The following STAU2 variants were observed in gnomAD, a reference collection of about 807,000 sequenced individuals.
The protein encoded by STAU2 is staufen double-stranded RNA binding protein 2.
A neutral mutation model predicts 65.9 loss-of-function variants in STAU2; 20 were observed. The observed-to-expected ratio is 0.30, with a 90% CI of 0.21 to 0.44. The LOEUF (loss-of-function observed/expected upper bound fraction) is 0.44. STAU2 is among the 20% of genes least tolerant of loss of function. STAU2 has a pLI of 1.00. For missense variants in STAU2, 558 were observed against 683.9 expected (o/e 0.82, Z 2.05); for synonymous variants, 232 against 233.9 (o/e 0.99, Z 0.07).
chr8:73,613,648 T>C, intron 9 of STAU2, 96 bp downstream of exon 9: 1 of 907,758 alleles, frequency 1.1e-6, no homozygotes, highest in Non-Finnish European at 1.6e-6. Flanking sequence ...ATATAGTCCA[T>C]AAGTTCAGGG....
At chr8:73,561,133 A>G (rs1748774229) in intron 12 of STAU2, among the ~76,000 whole-genome samples, 1 of 152,200 alleles carries the variant, frequency 6.6e-6, no homozygotes, top group African/African-American at 2.4e-5. Context: ...TAGTGATCCA[A>G]GGGCCCCTAA....
chr8:73,688,115 T>C (rs1351423765), intron 5 of STAU2, among the ~76,000 whole-genome samples: 2 of 152,052 alleles, frequency 1.3e-5, no homozygotes, highest in East Asian at 1.9e-4. Context: ...TGCACTTTTA[T>C]AGTATCCACT....
At chr8:73,424,289 C>T (rs911106192) in intron 13 of STAU2, among the ~76,000 whole-genome samples, 7 of 151,008 alleles carry the variant, frequency 4.6e-5, no homozygotes, top group African/African-American at 1.5e-4. Context: ...CAACCTCTGC[C>T]TCCTGGGTTC....
intron 3 of STAU2, among the ~76,000 whole-genome samples, chr8:73,716,415 A>G (rs1477701917): frequency 6.6e-6 from 1 of 152,166 alleles, no homozygotes; most frequent in Non-Finnish European, 1.5e-5. Flanking sequence ...TAGTCTTGAC[A>G]GTGCCACCAT....
At chr8:73,454,783 A>G (rs1303301336) in intron 13 of STAU2, among the ~76,000 whole-genome samples, 2 of 152,246 alleles carry the variant, frequency 1.3e-5, no homozygotes, top group African/African-American at 4.8e-5. Flanking sequence ...ATTAATATGC[A>G]TGGTCTGTAG....
At chr8:73,561,619 AAC>A (rs1808238571) in intron 12 of STAU2, 2 of 443,556 alleles carry the variant, frequency 4.5e-6, no homozygotes, top group African/African-American at 2.0e-5. Context: ...AGCAGGAAGA[AAC>A]ACATACTGAA....
chr8:73,501,376 T>C lies in STAU2; in HGVS notation c.1530+50636A>G, dbSNP rs577776894. Among the ~76,000 whole-genome samples the C allele has an allele frequency of 8.5e-5, 13 of 152,110 alleles. No homozygotes were observed. The South Asian group carries it at 1.5e-3, about 17-fold the overall frequency. Reference sequence around the variant, plus strand: ...GAAAACAGATATTAATAGCAAATTATGATCTATTTTAGAATTGTGTATTTA... The same window carrying C: ...GAAAACAGATATTAATAGCAAATTACGATCTATTTTAGAATTGTGTATTTA... On this transcript the variant is annotated intron_variant, in intron 13 of 14. Coordinates refer to ENST00000524300, the MANE Select transcript of STAU2 (RefSeq NM_001164380.2).
chr8:73,543,161 G>C (rs1394618867), intron 13 of STAU2, among the ~76,000 whole-genome samples: 1 of 152,186 alleles, frequency 6.6e-6, no homozygotes, highest in Non-Finnish European at 1.5e-5. Flanking sequence ...AAAGATGCCA[G>C]ATACAAAACT....
In STAU2 at chr8:73,739,985, G is replaced by A. The variant is rs898755458; in HGVS notation, c.-196-117C>T. On this transcript the variant is annotated intron_variant, in intron 1 of 14. Coordinates refer to ENST00000524300, the MANE Select transcript of STAU2 (RefSeq NM_001164380.2). ...CTCAGAGGGAGGCAGATGCCAAACTGTGGTGCCCTTTGGAGAGGCCCATAT... is the reference window on the plus strand; with the variant it reads ...CTCAGAGGGAGGCAGATGCCAAACTATGGTGCCCTTTGGAGAGGCCCATAT... The A allele has an allele frequency of 8.1e-6, 5 of 613,790 alleles. No individual in the cohort carries two copies. The African/African-American group carries it at 9.3e-5, about 11-fold the overall frequency. The allele number at this position is 613,790 out of a possible 1,614,324, so 38.0% of individuals were successfully genotyped here. A position where few individuals can be genotyped will look rare whatever the true frequency, so the allele number is the denominator to read the frequency against.
chr8:73,584,502 A>G (rs952630493), intron 11 of STAU2, among the ~76,000 whole-genome samples: 1 of 152,216 alleles, frequency 6.6e-6, no homozygotes, highest in Non-Finnish European at 1.5e-5. Context: ...TCAATTTTAC[A>G]GACAAGCAAA....
intron 13 of STAU2, among the ~76,000 whole-genome samples, chr8:73,518,690 T>C (rs1177207429): frequency 6.6e-6 from 1 of 152,232 alleles, no homozygotes; most frequent in East Asian, 1.9e-4. Flanking sequence ...GTTTACTGAC[T>C]CTTGTTTTCG....
At chr8:73,638,001 G>A (rs16938708) in intron 6 of STAU2, among the ~76,000 whole-genome samples, 12,585 of 151,596 alleles carry the variant, frequency 0.083, 599 homozygotes, top group Middle Eastern at 0.15. Context: ...GCTGTTTAAG[G>A]TATTTTTCAA....
intron 3 of STAU2, among the ~76,000 whole-genome samples, chr8:73,710,766 T>G (rs1210445458): frequency 1.3e-5 from 2 of 151,996 alleles, no homozygotes; most frequent in Non-Finnish European, 2.9e-5. Context: ...AATCTAAGCA[T>G]AAAACATGCA....
chr8:73,471,230 T>C (rs1270649134), intron 13 of STAU2, among the ~76,000 whole-genome samples: 2 of 149,470 alleles, frequency 1.3e-5, no homozygotes, highest in Non-Finnish European at 3.0e-5. Context: ...TGCAGTGCCA[T>C]GGCACAATCA....
chr8:73,546,123 C>CTTTTTTTTTTTTTTTTT (rs71561528), intron 13 of STAU2, among the ~76,000 whole-genome samples: 2 of 93,290 alleles, frequency 2.1e-5, no homozygotes, highest in Non-Finnish European at 3.8e-5. Flanking sequence ...GTTTGGTTTT[C>CTTTTTTTTTTTTTTTTT]TTTTTTTTTT....
At chr8:73,424,029 A>T (rs2128878394) in intron 13 of STAU2, among the ~76,000 whole-genome samples, 1 of 151,884 alleles carries the variant, frequency 6.6e-6, no homozygotes, top group Non-Finnish European at 1.5e-5. Flanking sequence ...AGCCCTACAA[A>T]TCCTCTGTGC....
chr8:73,547,675 C>T (rs1178072740), intron 13 of STAU2, among the ~76,000 whole-genome samples: 8 of 152,030 alleles, frequency 5.3e-5, no homozygotes, highest in African/African-American at 1.7e-4. Context: ...ATTTTAATGG[C>T]AAATCAGAGC....
intron 13 of STAU2, chr8:73,527,814 AAC>A: frequency 6.5e-7 from 1 of 1,528,528 alleles, no homozygotes; most frequent in South Asian, 1.2e-5. Flanking sequence ...CCTATAACAG[AAC>A]ACACGCAATC....
chr8:73,678,619 T>C (rs1818178686), intron 5 of STAU2, among the ~76,000 whole-genome samples: 1 of 152,184 alleles, frequency 6.6e-6, no homozygotes. Flanking sequence ...AGACACTCAC[T>C]GAAAGGGACA....
Sources: gnomAD v4.1 joint callset for allele counts (sites outside exome capture counted in the v4.1 genomes callset) on GRCh38, gnomAD v4.1.1 for gene constraint, MANE v1.5 for transcripts, NCBI Gene and HGNC (gene_info 2026-07-23, HGNC 2026-07-21) for gene names.